OR51B5: variants seen among roughly 807,000 people sequenced by gnomAD.
OR51B5 encodes the protein olfactory receptor family 51 subfamily B member 5, also known as olfactory receptor 51B5.
For synonymous variants in OR51B5, 186 were observed against 144.8 expected, an observed-to-expected ratio of 1.28 and a Z score of -2.04; for missense variants, 456 against 374.6, an observed-to-expected ratio of 1.22 and a Z score of -1.79.
At chr11:5,384,420 C>G (rs1270733075) in intron 1 of OR51B5, among the ~76,000 whole-genome samples, 1 of 152,186 alleles carries the variant, frequency 6.6e-6, no homozygotes, top group Non-Finnish European at 1.5e-5. Context: ...TTCTCAGAGT[C>G]TATGCACAGA....
At chr11:5,344,787 T>C (rs1166781186), upstream of OR51B5, among the ~76,000 whole-genome samples, 2 of 152,182 alleles carry the variant, frequency 1.3e-5, no homozygotes, top group Non-Finnish European at 2.9e-5. Context: ...TTATAAACCA[T>C]AAATTAAGTT....
At chr11:5,375,224 A>C in intron 1 of OR51B5, among the ~76,000 whole-genome samples, 1 of 148,856 alleles carries the variant, frequency 6.7e-6, no homozygotes. Flanking sequence ...TTTAATATCC[A>C]GCCAAACTAA....
intron 1 of OR51B5, among the ~76,000 whole-genome samples, chr11:5,481,176 C>T (rs1284804397): frequency 2.2e-5 from 1 of 44,862 alleles, no homozygotes; most frequent in African/African-American, 6.5e-5. Flanking sequence ...AAGTGGGCTT[C>T]ATCCCTGGGA....
intron 1 of OR51B5, among the ~76,000 whole-genome samples, chr11:5,413,550 A>C (rs1222666868): frequency 6.6e-6 from 1 of 152,236 alleles, no homozygotes; most frequent in Non-Finnish European, 1.5e-5. Context: ...ATTTAGATGA[A>C]TGTATAACTA....
intron 1 of OR51B5, among the ~76,000 whole-genome samples, chr11:5,419,527 T>C (rs1281049434): frequency 1.3e-5 from 2 of 152,184 alleles, no homozygotes; most frequent in African/African-American, 2.4e-5. Flanking sequence ...ATATCAATTA[T>C]TTACACAGCA....
At chr11:5,420,611 A>G (rs1850318647) in intron 1 of OR51B5, among the ~76,000 whole-genome samples, 14 of 151,572 alleles carry the variant, frequency 9.2e-5, no homozygotes, top group Admixed American at 9.2e-4. Context: ...GATTATATCT[A>G]CTTGTCTTTC....
chr11:5,394,223 A>G (rs1188488119), intron 1 of OR51B5, among the ~76,000 whole-genome samples: 3 of 152,076 alleles, frequency 2.0e-5, no homozygotes, highest in African/African-American at 4.8e-5. Context: ...AAGTCACTTT[A>G]TCTTGACAAT....
chr11:5,367,633 C>T (rs977858100), intron 1 of OR51B5, among the ~76,000 whole-genome samples: 1 of 152,098 alleles, frequency 6.6e-6, no homozygotes, highest in East Asian at 1.9e-4. Flanking sequence ...GTCTTTATGA[C>T]CTGTATCTTG....
chr11:5,376,885 G>A (rs1849536899), intron 1 of OR51B5, among the ~76,000 whole-genome samples: 1 of 147,350 alleles, frequency 6.8e-6, no homozygotes, highest in Non-Finnish European at 1.5e-5. Context: ...AGAGGTACAA[G>A]GAGGAATTGG....
At chr11:5,462,212 A>G (rs1851066753) in intron 1 of OR51B5, among the ~76,000 whole-genome samples, 1 of 152,170 alleles carries the variant, frequency 6.6e-6, no homozygotes, top group African/African-American at 2.4e-5. Flanking sequence ...GGGAGGAGAC[A>G]CTCAGAATAA....
intron 1 of OR51B5, chr11:5,455,157 C>T (rs1408237011): frequency 6.6e-6 from 1 of 152,146 alleles, no homozygotes; most frequent in Admixed American, 6.6e-5. Context: ...CTTTTATCTG[C>T]CCACCACTCA....
chr11:5,462,400 T>C (rs1318201905), intron 1 of OR51B5, among the ~76,000 whole-genome samples: 3 of 152,182 alleles, frequency 2.0e-5, no homozygotes, highest in African/African-American at 7.2e-5. Flanking sequence ...GAGAACTTGG[T>C]AGAAGAGTGT....
At chr11:5,376,360 A>G (rs4423216) in intron 1 of OR51B5, among the ~76,000 whole-genome samples, 41,125 of 151,908 alleles carry the variant, frequency 0.27, 5,841 homozygotes, top group African/African-American at 0.33. Flanking sequence ...AGAGAAAGCA[A>G]GAAAGATCCA....
intron 1 of OR51B5, among the ~76,000 whole-genome samples, chr11:5,483,067 T>C (rs1331992808): frequency 6.7e-6 from 1 of 149,434 alleles, no homozygotes; most frequent in African/African-American, 2.5e-5. Flanking sequence ...CGTATGTTTA[T>C]TGCGGCATTA....
downstream of OR51B5, chr11:5,340,898 CAT>C (rs1436784816): frequency 7.9e-5 from 12 of 152,104 alleles, no homozygotes; most frequent in South Asian, 2.1e-4. Context: ...TTAAGGGACA[CAT>C]GTTTGGTTTT....
At chr11:5,408,920 A>G (rs527609927) in intron 1 of OR51B5, among the ~76,000 whole-genome samples, 1 of 152,234 alleles carries the variant, frequency 6.6e-6, no homozygotes, top group South Asian at 2.1e-4. Flanking sequence ...CCCATAACCT[A>G]TAATAATATT....
At chr11:5,346,128 A>C (rs1414850914), upstream of OR51B5, 1 of 152,148 alleles carries the variant, frequency 6.6e-6, no homozygotes, top group African/African-American at 2.4e-5. Context: ...TTATCAGAGA[A>C]TATGCAGCAC....
intron 1 of OR51B5, among the ~76,000 whole-genome samples, chr11:5,439,674 T>C (rs1407992918): frequency 6.6e-6 from 1 of 152,200 alleles, no homozygotes; most frequent in African/African-American, 2.4e-5. Context: ...AAGCTGATGA[T>C]ATTGATCTGG....
intron 1 of OR51B5, among the ~76,000 whole-genome samples, chr11:5,458,592 G>A (rs1850998547): frequency 6.6e-6 from 1 of 152,184 alleles, no homozygotes; most frequent in South Asian, 2.1e-4. Context: ...CCACGGGCAT[G>A]AAATGTTTTC....
Sources: allele counts gnomAD v4.1 joint callset (sites outside exome capture counted in the v4.1 genomes callset), GRCh38; gene constraint gnomAD v4.1.1; transcripts MANE v1.5; gene names NCBI Gene and HGNC (gene_info 2026-07-23, HGNC 2026-07-21).